Variants in TF observed in about 807,000 individuals in gnomAD.
The protein encoded by TF is serotransferrin.
Under a neutral mutation model 82.4 loss-of-function variants are expected in TF, and 55 were observed. That is an observed-to-expected ratio of 0.67 (90% CI 0.54 to 0.84). The LOEUF is 0.84. TF is among the 40% of genes least tolerant of loss of function. The pLI, the probability that TF is intolerant of heterozygous loss-of-function variation, is 0.00. For missense variants in TF, 737 were observed against 868.4 expected (o/e 0.85, Z 1.90); for synonymous variants, 332 against 332.6 (o/e 1.00, Z 0.02).
the TF span, among the ~76,000 whole-genome samples, chr3:133,686,912 AC>A: frequency 6.6e-6 from 1 of 152,250 alleles, no homozygotes; most frequent in Non-Finnish European, 1.5e-5. Context: ...TTATTGTGGC[AC>A]TATTCACAAT....
chr3:133,732,701 G>C, the TF span, among the ~76,000 whole-genome samples: 1 of 152,174 alleles, frequency 6.6e-6, no homozygotes, highest in Admixed American at 6.5e-5. Context: ...CTCCAGACAC[G>C]TCTGAACATC....
At chr3:133,764,622 T>C (rs993301323) in intron 10 of TF, among the ~76,000 whole-genome samples, 6 of 152,204 alleles carry the variant, frequency 3.9e-5, no homozygotes, top group African/African-American at 1.2e-4. Context: ...TATAGTTGGC[T>C]AGCACGCCTC....
the TF span, among the ~76,000 whole-genome samples, chr3:133,729,778 G>A: frequency 1.3e-5 from 2 of 152,152 alleles, no homozygotes; most frequent in African/African-American, 4.8e-5. Context: ...GTAGACTGGA[G>A]CTGTTCCTAT....
chr3:133,736,447 C>T, the TF span, among the ~76,000 whole-genome samples: 1 of 152,146 alleles, frequency 6.6e-6, no homozygotes. Flanking sequence ...CAAATTCACA[C>T]ATAACAATAT....
chr3:133,695,631 G>A, the TF span, among the ~76,000 whole-genome samples: 1 of 152,152 alleles, frequency 6.6e-6, no homozygotes, highest in African/African-American at 2.4e-5. Flanking sequence ...CTAGAGATGG[G>A]TGAAGCTCAT....
chr3:133,729,491 T>C, the TF span, among the ~76,000 whole-genome samples: 114,886 of 152,142 alleles, frequency 0.76, 43,911 homozygotes, highest in East Asian at 0.95. Flanking sequence ...CCTGGTGCGC[T>C]GTTTTTTAAG....
the TF span, among the ~76,000 whole-genome samples, chr3:133,671,219 C>T: frequency 2.0e-5 from 3 of 152,204 alleles, no homozygotes; most frequent in African/African-American, 7.2e-5. Flanking sequence ...GTCAGCAGGG[C>T]TGAGTTCCTT....
the TF span, among the ~76,000 whole-genome samples, chr3:133,680,638 A>G: frequency 1.3e-5 from 2 of 149,472 alleles, no homozygotes; most frequent in Non-Finnish European, 3.0e-5. Context: ...GCATAATTCT[A>G]CTCCCTTGGT....
At chr3:133,731,640 G>T in the TF span, among the ~76,000 whole-genome samples, 1 of 152,196 alleles carries the variant, frequency 6.6e-6, no homozygotes, top group African/African-American at 2.4e-5. Flanking sequence ...AATGATAGTT[G>T]TCATCACCAT....
chr3:133,771,796 C>T (rs901187290), intron 14 of TF, among the ~76,000 whole-genome samples: 3 of 144,484 alleles, frequency 2.1e-5, no homozygotes, highest in Admixed American at 6.8e-5. Flanking sequence ...TGTGGGTGAA[C>T]GTTGGACAGC....
At chr3:133,706,499 T>G in the TF span, among the ~76,000 whole-genome samples, 1 of 151,756 alleles carries the variant, frequency 6.6e-6, no homozygotes, top group African/African-American at 2.4e-5. Flanking sequence ...AGCATCAGCA[T>G]CCCCTAGGAG....
At chr3:133,754,413 CCCT>C in intron 3 of TF, 79 bp from the exon 4 acceptor site, 1 of 1,445,376 alleles carries the variant, frequency 6.9e-7, no homozygotes, top group Non-Finnish European at 9.7e-7. Flanking sequence ...CCGCTCCCCT[CCCT>C]CCTCAAGAGT....
chr3:133,665,874 G>A, the TF span, among the ~76,000 whole-genome samples: 1 of 149,918 alleles, frequency 6.7e-6, no homozygotes, highest in Non-Finnish European at 1.5e-5. Flanking sequence ...GGCGGAGGTT[G>A]TGGTGAGCCG....
chr3:133,718,605 T>C, the TF span, among the ~76,000 whole-genome samples: 3 of 152,144 alleles, frequency 2.0e-5, no homozygotes, highest in African/African-American at 7.2e-5. Flanking sequence ...GTGGTCCTCA[T>C]GCTTGAGCAT....
At chr3:133,666,897 G>A in the TF span, among the ~76,000 whole-genome samples, 4 of 152,006 alleles carry the variant, frequency 2.6e-5, no homozygotes, top group Admixed American at 6.6e-5. Flanking sequence ...TTAGCCAGGC[G>A]TGGTGGCGGG....
At chr3:133,748,075 T>C (rs1933552846) in intron 1 of TF, 1 of 380,528 alleles carries the variant, frequency 2.6e-6, no homozygotes, top group Admixed American at 3.6e-5. Context: ...TACTGAGGCT[T>C]ATGTTCCATG....
At chr3:133,684,942 G>C in the TF span, among the ~76,000 whole-genome samples, 6 of 152,148 alleles carry the variant, frequency 3.9e-5, no homozygotes, top group Non-Finnish European at 7.4e-5. Flanking sequence ...GAACATCGAT[G>C]CAAAAATCCT....
At chr3:133,707,835 A>G in the TF span, among the ~76,000 whole-genome samples, 1 of 152,224 alleles carries the variant, frequency 6.6e-6, no homozygotes, top group Admixed American at 6.5e-5. Flanking sequence ...AATATTCATG[A>G]TATTCTCATT....
the TF span, among the ~76,000 whole-genome samples, chr3:133,720,667 T>C: frequency 2.6e-5 from 4 of 152,172 alleles, no homozygotes; most frequent in African/African-American, 7.2e-5. Flanking sequence ...TGGAGGATAA[T>C]TAATGTTAGT....
Sources: gnomAD v4.1 joint callset for allele counts (sites outside exome capture counted in the v4.1 genomes callset) on GRCh38, gnomAD v4.1.1 for gene constraint, MANE v1.5 for transcripts, NCBI Gene and HGNC (gene_info 2026-07-23, HGNC 2026-07-21) for gene names.